Variants in SLC44A5 observed in about 807,000 individuals in gnomAD.
SLC44A5 encodes the protein solute carrier family 44 member 5.
Under a neutral mutation model 101.8 loss-of-function variants are expected in SLC44A5, and 57 were observed. The ratio of observed to expected loss-of-function variants is 0.56; its 90% CI spans 0.45 to 0.70. SLC44A5 has a LOEUF of 0.70. Among genes scored for constraint, SLC44A5 ranks in the 30% least tolerant of loss-of-function variants. The pLI is 0.00. For missense variants in SLC44A5, 737 were observed against 853.1 expected, an observed-to-expected ratio of 0.86 and a Z score of 1.70; for synonymous variants, 281 against 290.9, an observed-to-expected ratio of 0.97 and a Z score of 0.35.
In SLC44A5 at chr1:75,331,729, C is replaced by T. The variant is rs145445398; in HGVS notation, c.101+7853G>A. ...CCCACCCACTACCTAAGTCCCGCTC[C>T]CATCCACCTTGCTGCACTCACACGG... On this transcript the variant is annotated intron_variant, in intron 4 of 23. Coordinates refer to ENST00000370859, the MANE Select transcript of SLC44A5 (RefSeq NM_001130058.2). Among the ~76,000 whole-genome samples, 888 of 152,240 alleles carry T rather than the reference C, an allele frequency of 5.8e-3. 10 individuals carry two copies. Among genetic ancestry groups the T allele is most frequent in the African/African-American group, 0.02 (851 of 41,538 alleles).
chr1:75,473,936 T>C (rs1233001851), intron 2 of SLC44A5, among the ~76,000 whole-genome samples: 1 of 152,204 alleles, frequency 6.6e-6, no homozygotes, highest in Non-Finnish European at 1.5e-5. Flanking sequence ...GGTGGTGTCA[T>C]AGAATATCAG....
rs779916778 is a variant in SLC44A5 at position 75,211,478 on chromosome 1, G to T, written c.2037C>A (p.Phe679Leu). The T allele has an allele frequency of 3.9e-5, 63 of 1,611,694 alleles. No homozygotes were observed. Among genetic ancestry groups the T allele is most frequent in the Non-Finnish European group, 5.3e-5 (62 of 1,178,516 alleles). The change falls in exon 23 of 24, where the codon TTC becomes TTA. Residue 679 changes from phenylalanine to leucine, a missense_variant. Physicochemically the swap from Phe to Leu is conservative, Grantham distance 22. Coordinates refer to ENST00000370859, the MANE Select transcript of SLC44A5 (RefSeq NM_001130058.2). ...ATACTGAATACTCACAGAAGCAGAT[G>T]AAAATTGTTTCAACACACATTGCAT... ...SVYAMCVETI[F>L]ICFLEDLERN...
At chr1:75,651,696 C>CA in the SLC44A5 span, among the ~76,000 whole-genome samples, 22,061 of 69,646 alleles carry the variant, frequency 0.32, 3,529 homozygotes, top group Non-Finnish European at 0.41. Context: ...GACTCTGTCT[C>CA]AAAAAAAAAA....
intron 2 of SLC44A5, among the ~76,000 whole-genome samples, chr1:75,530,140 T>C (rs1289164731): frequency 6.6e-6 from 1 of 152,112 alleles, no homozygotes. Context: ...CTTTGAGCAT[T>C]TGGAGGAACA....
At chr1:75,534,648 GA>G (rs1160645415) in intron 2 of SLC44A5, among the ~76,000 whole-genome samples, 29 of 152,282 alleles carry the variant, frequency 1.9e-4, no homozygotes, top group African/African-American at 6.7e-4. Context: ...CACTGTCCTA[GA>G]AAAAGAAAAG....
chr1:75,685,534 T>C, the SLC44A5 span, among the ~76,000 whole-genome samples: 2 of 152,148 alleles, frequency 1.3e-5, no homozygotes, highest in Non-Finnish European at 2.9e-5. Context: ...CCCAAGAAGT[T>C]CCTTATCTTC....
chr1:75,710,859 A>G, the SLC44A5 span, among the ~76,000 whole-genome samples: 1 of 152,334 alleles, frequency 6.6e-6, no homozygotes, highest in East Asian at 1.9e-4. Context: ...ACCAGAAGGC[A>G]GGTCTTAGAA....
In SLC44A5 at chr1:75,251,952, T is replaced by A. The variant is rs114672739; in HGVS notation, c.261-658A>T. 9.0e-3 allele frequency among the ~76,000 whole-genome samples: 1,363 copies of A among 152,256 alleles called. 32 individuals carry two copies. Among genetic ancestry groups the A allele is most frequent in the African/African-American group, 0.031 (1,292 of 41,548 alleles). ...TCTCTTTTGAATCTCAATTTTCTCA[T>A]CAGTAAAATGAAGATAATACTATTC... On this transcript the variant is annotated intron_variant, in intron 6 of 23. Coordinates refer to ENST00000370859, the MANE Select transcript of SLC44A5 (RefSeq NM_001130058.2).
At chr1:75,273,281 T>C (rs796792277) in intron 6 of SLC44A5, among the ~76,000 whole-genome samples, 3 of 152,144 alleles carry the variant, frequency 2.0e-5, no homozygotes, top group South Asian at 4.1e-4. Flanking sequence ...AGGAGCCTTT[T>C]GGATGAGTCT....
the SLC44A5 span, chr1:75,723,760 T>C: frequency 0.63 from 95,406 of 152,044 alleles, 30,075 homozygotes; most frequent in South Asian, 0.72. Flanking sequence ...ACTTTGAATA[T>C]AGCGCTTAAT....
intron 2 of SLC44A5, among the ~76,000 whole-genome samples, chr1:75,484,774 G>A (rs925255925): frequency 1.3e-5 from 2 of 152,208 alleles, no homozygotes; most frequent in African/African-American, 4.8e-5. Flanking sequence ...AAAGCTAGGT[G>A]GAGGCTCCCA....
chr1:75,321,971 T>A (rs972555034), intron 4 of SLC44A5, among the ~76,000 whole-genome samples: 1 of 152,260 alleles, frequency 6.6e-6, no homozygotes, highest in African/African-American at 2.4e-5. Flanking sequence ...ATTTGTTATC[T>A]CCACAATGTA....
rs761082609 is a variant in SLC44A5 at position 75,243,028 on chromosome 1, T to A, written c.346-17A>T. On this transcript the variant is annotated splice_polypyrimidine_tract_variant and intron_variant, in intron 7 of 23. Transcript: ENST00000370859. ...GACACAGATCTGTGAACGAACAAAG[T>A]GATGAGAACTGAACTGAGTTGAACA... is the stretch of plus-strand genomic sequence containing the variant. The A allele has an allele frequency of 1.7e-5, 27 of 1,606,930 alleles. No homozygotes were observed. In the African/African-American group the frequency reaches 3.4e-4, roughly 20 times the overall value.
intron 1 of SLC44A5, among the ~76,000 whole-genome samples, chr1:75,577,789 T>C (rs752342653): frequency 1.3e-5 from 2 of 152,342 alleles, no homozygotes; most frequent in African/African-American, 2.4e-5. Context: ...ATTGTGTACC[T>C]ATTCTGGGAC....
intron 2 of SLC44A5, among the ~76,000 whole-genome samples, chr1:75,537,033 A>AAAAAACATATATATATAT (rs35829590): frequency 4.6e-5 from 2 of 43,026 alleles, no homozygotes; most frequent in Non-Finnish European, 5.8e-5. Flanking sequence ...AAAAAAAAAA[A>AAAAAACATATATATATAT]ATATATATCT....
At chr1:75,255,514 T>C (rs1649943710) in intron 6 of SLC44A5, among the ~76,000 whole-genome samples, 1 of 147,860 alleles carries the variant, frequency 6.8e-6, no homozygotes, top group Non-Finnish European at 1.5e-5. Context: ...AAGTCAGAGA[T>C]GAAAAATAGA....
intron 1 of SLC44A5, among the ~76,000 whole-genome samples, chr1:75,586,481 T>G (rs999679827): frequency 1.3e-5 from 2 of 150,288 alleles, no homozygotes; most frequent in Admixed American, 6.6e-5. Context: ...ATATAAAATT[T>G]AAAATGACAG....
the SLC44A5 span, among the ~76,000 whole-genome samples, chr1:75,640,057 A>T: frequency 6.6e-6 from 1 of 152,078 alleles, no homozygotes; most frequent in Non-Finnish European, 1.5e-5. Context: ...TTAGAAAATA[A>T]AGATATGTAA....
the SLC44A5 span, among the ~76,000 whole-genome samples, chr1:75,686,926 G>A: frequency 6.6e-6 from 1 of 152,158 alleles, no homozygotes; most frequent in East Asian, 1.9e-4. Context: ...GGAAGGAAAA[G>A]GTCAAGGATG....
Sources: allele counts gnomAD v4.1 joint callset (sites outside exome capture counted in the v4.1 genomes callset), GRCh38; gene constraint gnomAD v4.1.1; transcripts MANE v1.5; gene names NCBI Gene and HGNC (gene_info 2026-07-23, HGNC 2026-07-21).